Variants in STK31 observed in about 807,000 individuals in gnomAD.
STK31 encodes the protein serine/threonine kinase 31, also known as serine/threonine-protein kinase 31.
In STK31, 89 loss-of-function variants were observed where a neutral mutation model predicts 129.7. The ratio of observed to expected loss-of-function variants is 0.69; its 90% CI spans 0.58 to 0.82. The LOEUF is 0.82. Ranked by LOEUF, STK31 falls within the 40% of genes least tolerant of loss-of-function variation. The probability of loss-of-function intolerance (pLI) is 0.00; values close to 1 mark genes in which losing one functional copy is unlikely to be tolerated. For synonymous variants in STK31, 448 were observed against 395.3 expected (o/e 1.13, Z -1.58); for missense variants, 1,187 against 1,176.4 (o/e 1.01, Z -0.13).
At chr7:23,779,845 C>T (rs370413095) in intron 15 of STK31, among the ~76,000 whole-genome samples, 3 of 152,216 alleles carry the variant, frequency 2.0e-5, no homozygotes, top group East Asian at 3.9e-4. Context: ...GGGGAGTCAA[C>T]GGTTCTGTCT....
intron 8 of STK31, among the ~76,000 whole-genome samples, chr7:23,744,854 G>C (rs1788253996): frequency 6.6e-6 from 1 of 152,040 alleles, no homozygotes; most frequent in African/African-American, 2.4e-5. Flanking sequence ...AAGTATGCTT[G>C]TCCTTGGTTT....
intron 8 of STK31, among the ~76,000 whole-genome samples, chr7:23,738,708 G>A (rs974142533): frequency 1.5e-4 from 23 of 152,026 alleles, no homozygotes; most frequent in South Asian, 8.3e-4. Context: ...GGCACCCGCC[G>A]CCATGTCTGG....
intron 23 of STK31, among the ~76,000 whole-genome samples, chr7:23,820,095 G>T (rs765168412): frequency 5.3e-5 from 8 of 152,210 alleles, no homozygotes; most frequent in Non-Finnish European, 1.0e-4. Flanking sequence ...GTTTTTGAGA[G>T]ATTTCAGCTA....
chr7:23,755,466 GA>G (rs1256948364), intron 10 of STK31, among the ~76,000 whole-genome samples: 18 of 152,282 alleles, frequency 1.2e-4, no homozygotes, highest in African/African-American at 4.3e-4. Context: ...TCACTGTGAT[GA>G]TAGTTTCTTT....
chr7:23,791,365 C>T, intron 22 of STK31: 5 of 955,690 alleles, frequency 5.2e-6, no homozygotes, highest in Non-Finnish European at 6.2e-6. Flanking sequence ...AGCGAATTTA[C>T]TGTGGATCAG....
rs1486409567 is a variant in STK31 at position 23,721,331 on chromosome 7, G to A, written c.249+3752G>A. ...ACTATTTGTCTCTAAAATATGTCAA[G>A]TAAGCTTTTAAAGATTCAGGAAGGG... On this transcript the variant is annotated intron_variant, in intron 4 of 23. Coordinates refer to ENST00000355870, the MANE Select transcript of STK31 (RefSeq NM_031414.5). The A allele has an allele frequency of 9.9e-6, 7 of 706,606 alleles. No individual in the cohort carries two copies. In the African/African-American group the frequency reaches 1.3e-4, roughly 13 times the overall value. The allele number at this position is 706,606 out of a possible 1,614,324, so 43.8% of individuals were successfully genotyped here.
Position 23,772,158 on chromosome 7 carries a change from G to C in STK31, c.1845G>C (p.Gln615His), listed in dbSNP as rs752790012. Residue 615 changes from glutamine (Q) to histidine (H), a missense_variant, in exon 15 of 24, where the codon CAG becomes CAC. Gln to His is a conservative substitution (Grantham distance 24). Coordinates refer to ENST00000355870, the MANE Select transcript of STK31 (RefSeq NM_031414.5). The part of the protein sequence containing the change: ...KYKDSIEFKK[Q>H]LIEYLNKSPS... ...TTTTGTTTACTTAGTTTAAAAAGCAGCTTATTGAATATTTAAATAAGAGTC... is the reference window on the plus strand; with the variant it reads ...TTTTGTTTACTTAGTTTAAAAAGCACCTTATTGAATATTTAAATAAGAGTC... 8.3e-6 allele frequency: 13 copies of C among 1,571,960 alleles called. No individual in the cohort carries two copies. In the South Asian group the frequency reaches 1.3e-4, roughly 16 times the overall value.
intron 3 of STK31, among the ~76,000 whole-genome samples, chr7:23,716,951 T>A (rs762451891): frequency 3.3e-5 from 5 of 151,674 alleles, no homozygotes; most frequent in Non-Finnish European, 7.4e-5. Context: ...CACACTACCA[T>A]GCCCGGCTAA....
intron 22 of STK31, among the ~76,000 whole-genome samples, chr7:23,791,980 C>A (rs984882483): frequency 2.6e-5 from 4 of 152,106 alleles, no homozygotes; most frequent in Admixed American, 6.5e-5. Flanking sequence ...ATTTGAATTT[C>A]ATGTAGTATG....
chr7:23,824,389 A>G (rs1793979442), intron 23 of STK31, among the ~76,000 whole-genome samples: 1 of 151,418 alleles, frequency 6.6e-6, no homozygotes, highest in Non-Finnish European at 1.5e-5. Flanking sequence ...TGATGATTTG[A>G]CTCTCTGTTT....
intron 15 of STK31, among the ~76,000 whole-genome samples, chr7:23,774,435 CA>C (rs771279081): frequency 2.4e-4 from 36 of 152,332 alleles, no homozygotes; most frequent in Admixed American, 4.6e-4. Flanking sequence ...ACATCCTCCC[CA>C]CTGTCTGTTG....
At chr7:23,741,566 A>G (rs1336958348) in intron 8 of STK31, among the ~76,000 whole-genome samples, 1 of 152,194 alleles carries the variant, frequency 6.6e-6, no homozygotes. Flanking sequence ...CAATAATTTC[A>G]GGGACACAGG....
intron 22 of STK31, among the ~76,000 whole-genome samples, chr7:23,808,084 T>C (rs1290855182): frequency 2.6e-5 from 4 of 151,472 alleles, no homozygotes; most frequent in African/African-American, 9.7e-5. Flanking sequence ...GTTCTTGATA[T>C]AAAGTGATTT....
At chr7:23,730,878 A>ATATATATATTTTTTTTTTTTT in intron 6 of STK31, among the ~76,000 whole-genome samples, 3 of 59,552 alleles carry the variant, frequency 5.0e-5, no homozygotes, top group Non-Finnish European at 9.8e-5. Context: ...ATATATATAT[A>ATATATATATTTTTTTTTTTTT]TTTTTTTTTT....
At chr7:23,802,191 A>G (rs1317593221) in intron 22 of STK31, among the ~76,000 whole-genome samples, 1 of 152,140 alleles carries the variant, frequency 6.6e-6, no homozygotes, top group East Asian at 1.9e-4. Context: ...AGGGGTTTAT[A>G]TTGGAGAAGG....
intron 22 of STK31, among the ~76,000 whole-genome samples, chr7:23,807,723 C>T (rs1263362770): frequency 1.3e-5 from 2 of 151,778 alleles, no homozygotes; most frequent in Non-Finnish European, 2.9e-5. Context: ...CTCTGTTTAT[C>T]AGGGTGTTTT....
At chr7:23,797,464 A>G (rs1454231774) in intron 22 of STK31, among the ~76,000 whole-genome samples, 1 of 152,212 alleles carries the variant, frequency 6.6e-6, no homozygotes, top group African/African-American at 2.4e-5. Context: ...AACTAACTCA[A>G]AACTGCACAA....
chr7:23,714,535 A>G (rs1786180417), intron 3 of STK31, among the ~76,000 whole-genome samples: 2 of 152,224 alleles, frequency 1.3e-5, no homozygotes, highest in South Asian at 4.1e-4. Flanking sequence ...ATTTAACTCA[A>G]TATATCCAAA....
intron 22 of STK31, among the ~76,000 whole-genome samples, chr7:23,804,758 G>T (rs796735208): frequency 3.3e-5 from 5 of 152,218 alleles, no homozygotes; most frequent in African/African-American, 1.2e-4. Flanking sequence ...CTCTACAATT[G>T]TTATTTTTCA....
Sources: allele counts gnomAD v4.1 joint callset (sites outside exome capture counted in the v4.1 genomes callset), GRCh38; gene constraint gnomAD v4.1.1; transcripts MANE v1.5; gene names NCBI Gene and HGNC (gene_info 2026-07-23, HGNC 2026-07-21).